FAM135B: variants seen among roughly 807,000 people sequenced by gnomAD.
The protein encoded by FAM135B is family with sequence similarity 135 member B, also known as protein FAM135B.
In FAM135B, 43 loss-of-function variants were observed where a neutral mutation model predicts 127.7. The ratio of observed to expected loss-of-function variants is 0.34; its 90% confidence interval spans 0.26 to 0.43. The LOEUF is 0.43. Ranked by LOEUF, FAM135B falls within the 20% of genes least tolerant of loss-of-function variation. The pLI is 1.00. For synonymous variants in FAM135B, 670 were observed against 665.1 expected, an observed-to-expected ratio of 1.01 and a Z score of -0.11; for missense variants, 1,558 against 1,725.6, an observed-to-expected ratio of 0.90 and a Z score of 1.72.
intron 3 of FAM135B, among the ~76,000 whole-genome samples, chr8:138,273,590 C>T (rs73439050): frequency 0.023 from 3,557 of 152,266 alleles, 95 homozygotes; most frequent in East Asian, 0.08. Context: ...GAGCATGGAG[C>T]ATCTCCCTGC....
At chr8:138,297,498 T>C (rs1230744504) in intron 3 of FAM135B, among the ~76,000 whole-genome samples, 1 of 152,200 alleles carries the variant, frequency 6.6e-6, no homozygotes, top group Non-Finnish European at 1.5e-5. Flanking sequence ...AAGACAAACA[T>C]TTCATTCATT....
At chr8:138,277,934 C>T (rs1271570658) in intron 3 of FAM135B, among the ~76,000 whole-genome samples, 1 of 152,028 alleles carries the variant, frequency 6.6e-6, no homozygotes, top group African/African-American at 2.4e-5. Context: ...TTGAAGAATC[C>T]CCAATATTAT....
intron 1 of FAM135B, among the ~76,000 whole-genome samples, chr8:138,388,618 T>G (rs558338006): frequency 1.3e-5 from 2 of 152,276 alleles, no homozygotes; most frequent in Admixed American, 6.5e-5. Context: ...ACATGCATAT[T>G]AGTAAAGTGA....
intron 12 of FAM135B, among the ~76,000 whole-genome samples, chr8:138,156,912 T>C (rs1433541009): frequency 5.9e-5 from 9 of 151,992 alleles, no homozygotes; most frequent in Non-Finnish European, 1.0e-4. Flanking sequence ...TTCCAATCAA[T>C]AGAAAAAGAG....
intron 1 of FAM135B, among the ~76,000 whole-genome samples, chr8:138,374,478 G>A (rs552383048): frequency 2.2e-4 from 33 of 152,334 alleles, no homozygotes; most frequent in African/African-American, 7.5e-4. Context: ...CCCTAAAAAG[G>A]AGTAATTGTC....
At chr8:138,439,053 A>AT (rs1587455598) in intron 1 of FAM135B, 1 of 152,134 alleles carries the variant, frequency 6.6e-6, no homozygotes, top group Non-Finnish European at 1.5e-5. Context: ...TCACCAGGCT[A>AT]TTAGCCTTTA....
chr8:138,207,558 G>A (rs528275149), intron 7 of FAM135B, among the ~76,000 whole-genome samples: 1 of 152,220 alleles, frequency 6.6e-6, no homozygotes, highest in East Asian at 1.9e-4. Context: ...CTTGAGAGAT[G>A]CCTTCAGCTT....
At chr8:138,426,794 A>G (rs1008886209) in intron 1 of FAM135B, among the ~76,000 whole-genome samples, 9 of 151,994 alleles carry the variant, frequency 5.9e-5, no homozygotes, top group Admixed American at 5.9e-4. Flanking sequence ...ACGAATTATG[A>G]TATCTACCTT....
intron 6 of FAM135B, among the ~76,000 whole-genome samples, chr8:138,247,483 T>C (rs1424553821): frequency 6.6e-6 from 1 of 152,190 alleles, no homozygotes; most frequent in Non-Finnish European, 1.5e-5. Flanking sequence ...TGCTGGCATG[T>C]GAAGAAGGAT....
intron 1 of FAM135B, among the ~76,000 whole-genome samples, chr8:138,379,621 G>C (rs1040440651): frequency 1.3e-5 from 2 of 152,014 alleles, no homozygotes; most frequent in Non-Finnish European, 2.9e-5. Context: ...TCCAAGCTTG[G>C]GGGAAGCATA....
At position 138,243,266 on chromosome 8, in the gene FAM135B, G is replaced by C. The variant is rs1820993045; in HGVS notation, c.543-198C>G. 6.6e-6 allele frequency among the ~76,000 whole-genome samples: 1 copy of C among 152,192 alleles called. No individual in the cohort carries two copies. The highest frequency in any genetic ancestry group is 1.5e-5 in the Non-Finnish European group (1 of 68,026). On this transcript the variant is annotated intron_variant, in intron 6 of 19. Transcript: ENST00000395297. This position sits in a 1 kb window ranked among gnomAD's most constrained non-coding sequence, Gnocchi z 7.5. The stretch of plus-strand genomic sequence containing the variant: ...GAGGGTACAACTGGCACGTAAGCTT[G>C]AAAGTCAATGATGATACACATCCTA...
At chr8:138,274,007 T>G (rs1823607563) in intron 3 of FAM135B, among the ~76,000 whole-genome samples, 1 of 152,158 alleles carries the variant, frequency 6.6e-6, no homozygotes, top group South Asian at 2.1e-4. Flanking sequence ...TGTGATTTCT[T>G]TGATGTCAAA....
intron 9 of FAM135B, among the ~76,000 whole-genome samples, chr8:138,181,648 C>T (rs943063295): frequency 6.6e-6 from 1 of 152,148 alleles, no homozygotes; most frequent in South Asian, 2.1e-4. Context: ...ACTTGTCTGT[C>T]CTCTACCAGG....
At chr8:138,319,697 C>A (rs11782241) in intron 2 of FAM135B, among the ~76,000 whole-genome samples, 42,702 of 151,972 alleles carry the variant, frequency 0.28, 6,205 homozygotes, top group South Asian at 0.4. Context: ...TAAACTATGC[C>A]CTTTACATAA....
chr8:138,408,938 T>C lies in FAM135B; in HGVS notation c.-19-40936A>G, dbSNP rs186724733. ...GGTCTTCTATTCAAACCACAAAAAC[T>C]TTCTCCATTTCAGCGATTAGGCTAT... On this transcript the variant is annotated intron_variant, in intron 1 of 19. Coordinates refer to ENST00000395297, the MANE Select transcript of FAM135B (RefSeq NM_015912.4). Among the ~76,000 whole-genome samples the C allele has an allele frequency of 2.0e-5, 3 of 152,246 alleles. No individual in the cohort carries two copies. The East Asian group carries it at 5.8e-4, about 29-fold the overall frequency.
At chr8:138,334,324 A>G (rs547387960) in intron 2 of FAM135B, among the ~76,000 whole-genome samples, 1 of 152,324 alleles carries the variant, frequency 6.6e-6, no homozygotes, top group African/African-American at 2.4e-5. Context: ...GGCCTACAGC[A>G]AGTGGCTGTA....
Position 138,141,377 on chromosome 8 carries a change from G to A in FAM135B, c.3639-28C>T, listed in dbSNP as rs775461246. Reference sequence around the variant, plus strand: ...GTGGAGAAACAGAAGGGGTACCCATGAGTGTGACGGTGAATGCTGCTGCCC... The same window carrying A: ...GTGGAGAAACAGAAGGGGTACCCATAAGTGTGACGGTGAATGCTGCTGCCC... On this transcript the variant is annotated intron_variant, in intron 16 of 19. Coordinates refer to ENST00000395297, the MANE Select transcript of FAM135B (RefSeq NM_015912.4). This position sits in a 1 kb window ranked among gnomAD's most constrained non-coding sequence, Gnocchi z 4.7. 3 of 1,612,756 alleles carry A rather than the reference G, an allele frequency of 1.9e-6. No homozygotes were observed. In the South Asian group the frequency reaches 3.3e-5, roughly 18 times the overall value.
At chr8:138,363,350 C>T (rs2131189898) in intron 2 of FAM135B, among the ~76,000 whole-genome samples, 1 of 152,276 alleles carries the variant, frequency 6.6e-6, no homozygotes. Context: ...CAGACTTTGT[C>T]ACCACCATTT....
At chr8:138,160,432 A>G (rs543641978) in intron 12 of FAM135B, among the ~76,000 whole-genome samples, 2 of 152,108 alleles carry the variant, frequency 1.3e-5, no homozygotes, top group East Asian at 3.9e-4. Flanking sequence ...TCTGTGGCAC[A>G]GGCTGGAGTG....
Sources: allele counts gnomAD v4.1 joint callset (sites outside exome capture counted in the v4.1 genomes callset), GRCh38; gene constraint gnomAD v4.1.1; non-coding constraint Gnocchi (gnomAD v3.1); transcripts MANE v1.5; gene names NCBI Gene and HGNC (gene_info 2026-07-23, HGNC 2026-07-21).